SPAG9: variants seen among roughly 807,000 people sequenced by gnomAD.
The protein encoded by SPAG9 is C-Jun-amino-terminal kinase-interacting protein 4.
A neutral mutation model predicts 166.5 loss-of-function variants in SPAG9; 35 were observed. The observed-to-expected ratio is 0.21, with a 90% CI of 0.16 to 0.28. The LOEUF (loss-of-function observed/expected upper bound fraction) is 0.28. Ranked by LOEUF, SPAG9 falls within the 10% of genes least tolerant of loss-of-function variation. The probability of loss-of-function intolerance (pLI) is 1.00; values close to 1 mark genes in which losing one functional copy is unlikely to be tolerated. For synonymous variants in SPAG9, 534 were observed against 565.5 expected (o/e 0.94, Z 0.79); for missense variants, 1,235 against 1,603.3 (o/e 0.77, Z 3.92).
At chr17:51,051,659 G>A (rs1162438366) in intron 3 of SPAG9, among the ~76,000 whole-genome samples, 2 of 152,070 alleles carry the variant, frequency 1.3e-5, no homozygotes, top group Non-Finnish European at 2.9e-5. Context: ...GGCGGAGGTT[G>A]CAGTGGGCCG....
At chr17:51,095,900 G>T (rs889407438) in intron 1 of SPAG9, among the ~76,000 whole-genome samples, 71 of 139,618 alleles carry the variant, frequency 5.1e-4, no homozygotes, top group African/African-American at 1.9e-3. Flanking sequence ...TATATACAGT[G>T]ATATATATAG....
intron 9 of SPAG9, among the ~76,000 whole-genome samples, chr17:51,009,321 T>G (rs2045362045): frequency 6.6e-6 from 1 of 152,070 alleles, no homozygotes; most frequent in South Asian, 2.1e-4. Context: ...GGAAAAAAAT[T>G]GAAATGTGTG....
chr17:51,120,773 G>A lies in SPAG9; in HGVS notation c.-117C>T. On this transcript the variant is annotated 5_prime_UTR_variant, in exon 1 of 30. Transcript: ENST00000262013. This position sits in a 1 kb window ranked among gnomAD's most constrained non-coding sequence, Gnocchi z 4.7. ...GGTACTAGGGCTGGAGCCCGGGCCG[G>A]GGCTGGGGCTGGGCCCGGCGGGGTG... The A allele has an allele frequency of 1.2e-6, 1 of 829,276 alleles. No homozygotes were observed. The highest frequency in any genetic ancestry group is 1.7e-6 in the Non-Finnish European group (1 of 580,836). The allele number at this position is 829,276 out of a possible 1,614,324, so 51.4% of individuals were successfully genotyped here.
At chr17:51,080,914 C>G (rs1326697623) in intron 1 of SPAG9, among the ~76,000 whole-genome samples, 1 of 111,130 alleles carries the variant, frequency 9.0e-6, no homozygotes, top group African/African-American at 4.5e-5. Context: ...AAAAAAAAAG[C>G]ATCTTAAATT....
intron 9 of SPAG9, among the ~76,000 whole-genome samples, chr17:51,011,315 TG>T (rs1477310698): frequency 6.6e-6 from 1 of 151,034 alleles, no homozygotes; most frequent in African/African-American, 2.4e-5. Context: ...AAACAGTAAT[TG>T]AAGTACTGAG....
intron 1 of SPAG9, among the ~76,000 whole-genome samples, chr17:51,081,692 A>T (rs2048168842): frequency 6.6e-6 from 1 of 152,044 alleles, no homozygotes; most frequent in South Asian, 2.1e-4. Context: ...CGGTGAGCTG[A>T]GATCACGCCA....
chr17:51,006,726 T>C lies in SPAG9; in HGVS notation c.1272-489A>G, dbSNP rs553731350. The stretch of plus-strand genomic sequence containing the variant: ...TTGGATATACACAGATGTTCCAAAG[T>C]TGCTCTGACACAGCAAACTGACAAA... On this transcript the variant is annotated intron_variant, in intron 10 of 29. Transcript: ENST00000262013. 4.6e-5 allele frequency among the ~76,000 whole-genome samples: 7 copies of C among 152,198 alleles called. No individual in the cohort carries two copies. In the South Asian group the frequency reaches 1.0e-3, roughly 22 times the overall value.
chr17:50,975,727 A>G, intron 27 of SPAG9: 1 of 594,120 alleles, frequency 1.7e-6, no homozygotes, highest in South Asian at 2.3e-5. Flanking sequence ...AAAAAAAAAG[A>G]CACCTGCTGC....
At position 50,989,657 on chromosome 17, in the gene SPAG9, T is replaced by C; in HGVS notation, c.2813+20A>G. On this transcript the variant is annotated intron_variant, in intron 21 of 29. Coordinates refer to ENST00000262013, the MANE Select transcript of SPAG9 (RefSeq NM_001130528.3). ...TGTGCACTTCACCCAGTTGCCTAAG[T>C]TGATGACCCATTATTATACCTCGAC... The C allele has an allele frequency of 8.1e-6, 13 of 1,607,382 alleles. No homozygotes were observed. Among genetic ancestry groups the C allele is most frequent in the Non-Finnish European group, 1.1e-5 (13 of 1,174,178 alleles).
chr17:51,090,466 A>C (rs2048435020), intron 1 of SPAG9, among the ~76,000 whole-genome samples: 1 of 152,178 alleles, frequency 6.6e-6, no homozygotes, highest in Non-Finnish European at 1.5e-5. Context: ...GGTTGCAGTG[A>C]GCCGAGTCCA....
chr17:51,099,774 A>AC (rs2048751323), intron 1 of SPAG9, among the ~76,000 whole-genome samples: 1 of 149,950 alleles, frequency 6.7e-6, no homozygotes, highest in African/African-American at 2.4e-5. Flanking sequence ...AAAAAAAAAA[A>AC]AAAAAAAAAA....
At chr17:51,074,322 G>A (rs947078977) in intron 2 of SPAG9, among the ~76,000 whole-genome samples, 4 of 152,246 alleles carry the variant, frequency 2.6e-5, no homozygotes, top group African/African-American at 9.6e-5. Flanking sequence ...CTACTCGGGA[G>A]GCTGAGGCAG....
intron 1 of SPAG9, among the ~76,000 whole-genome samples, chr17:51,091,452 G>A (rs1313548226): frequency 1.3e-5 from 2 of 152,026 alleles, no homozygotes; most frequent in Admixed American, 6.6e-5. Flanking sequence ...AATCGTGGCA[G>A]GAGAAGCGCA....
chr17:51,038,540 G>T (rs1005110676), intron 5 of SPAG9, among the ~76,000 whole-genome samples: 1 of 152,178 alleles, frequency 6.6e-6, no homozygotes, highest in Non-Finnish European at 1.5e-5. Context: ...TGGCACCCTT[G>T]ACAGAAGGCA....
At chr17:51,007,153 G>T in intron 10 of SPAG9, 116 bp downstream of exon 10, 2 of 555,448 alleles carry the variant, frequency 3.6e-6, no homozygotes, top group Non-Finnish European at 6.4e-6. Context: ...ACTCAGAGTT[G>T]GGGAACGAGA....
rs545530216 is a variant in SPAG9, at chr17:51,109,796, TG to T, written c.303+10557del. On this transcript the variant is annotated intron_variant, in intron 1 of 29. Transcript: ENST00000262013. ...GCATGAACACATCTTACCTCAGCCT[TG>T]ACTTCCTAGGCTGGTGCGATCCTCC... is the stretch of plus-strand genomic sequence containing the variant. 1.4e-4 allele frequency among the ~76,000 whole-genome samples: 21 copies of T among 152,074 alleles called. No individual in the cohort carries two copies. The East Asian group carries it at 2.9e-3, about 21-fold the overall frequency.
At chr17:51,002,306 T>A (rs1189930527) in intron 12 of SPAG9, among the ~76,000 whole-genome samples, 2 of 152,162 alleles carry the variant, frequency 1.3e-5, no homozygotes, top group African/African-American at 4.8e-5. Context: ...TGTAAGCCAC[T>A]GTGCCCAGCC....
chr17:51,043,353 C>T (rs190810665), intron 4 of SPAG9, among the ~76,000 whole-genome samples: 9 of 152,154 alleles, frequency 5.9e-5, no homozygotes, highest in Non-Finnish European at 1.0e-4. Flanking sequence ...AAAAAAGAGG[C>T]GTTATTTATT....
intron 1 of SPAG9, among the ~76,000 whole-genome samples, chr17:51,097,068 A>G (rs554825753): frequency 6.6e-6 from 1 of 152,378 alleles, no homozygotes; most frequent in South Asian, 2.1e-4. Flanking sequence ...TTGATCACCA[A>G]TGACCAATGG....
Sources: allele counts gnomAD v4.1 joint callset (sites outside exome capture counted in the v4.1 genomes callset), GRCh38; gene constraint gnomAD v4.1.1; non-coding constraint Gnocchi (gnomAD v3.1); transcripts MANE v1.5; gene names NCBI Gene and HGNC (gene_info 2026-07-23, HGNC 2026-07-21).